Variants in SCN1A observed in about 807,000 individuals in gnomAD.
SCN1A encodes sodium voltage-gated channel alpha subunit 1.
A neutral mutation model predicts 193.7 loss-of-function variants in SCN1A; 13 were observed. The observed-to-expected ratio is 0.07, with a 90% CI of 0.04 to 0.11. The LOEUF (loss-of-function observed/expected upper bound fraction) is 0.11. Ranked by LOEUF, SCN1A falls within the 10% of genes least tolerant of loss-of-function variation. The probability of loss-of-function intolerance (pLI) is 1.00; values close to 1 mark genes in which losing one functional copy is unlikely to be tolerated. For synonymous variants in SCN1A, 781 were observed against 843.6 expected, an observed-to-expected ratio of 0.93 and a Z score of 1.29; for missense variants, 1,432 against 2,451.1, an observed-to-expected ratio of 0.58 and a Z score of 8.78.
intron 18 of SCN1A, 132 bp from the exon 19 acceptor site, chr2:166,036,662 G>A: frequency 1.2e-6 from 1 of 838,416 alleles, no homozygotes; most frequent in South Asian, 1.8e-5. Flanking sequence ...AAACACCACA[G>A]CATAGTGATT....
At chr2:166,047,574 G>T in intron 11 of SCN1A, 53 bp downstream of exon 11, 2 of 1,586,272 alleles carry the variant, frequency 1.3e-6, no homozygotes, top group Non-Finnish European at 1.7e-6. Context: ...TAACTCAATT[G>T]GTTTTCTTGT....
At chr2:166,067,380 C>A (rs1290022248) in intron 4 of SCN1A, among the ~76,000 whole-genome samples, 1 of 152,054 alleles carries the variant, frequency 6.6e-6, no homozygotes, top group Non-Finnish European at 1.5e-5. Flanking sequence ...TACTGCCGGC[C>A]TGGGAGACCA....
intron 4 of SCN1A, among the ~76,000 whole-genome samples, chr2:166,072,789 TTTCCTTCCTTCC>T (rs3032639): frequency 1.4e-4 from 20 of 144,552 alleles, no homozygotes; most frequent in African/African-American, 5.3e-4. Context: ...TGCCTCTTTC[TTTCCTTCCTTCC>T]TTCCTTCCTT....
chr2:166,123,555 T>A (rs1274737183), intron 2 of SCN1A: 1 of 152,150 alleles, frequency 6.6e-6, no homozygotes, highest in Non-Finnish European at 1.5e-5. Context: ...GATCTGTAAC[T>A]GACTGTGAAC....
chr2:166,041,320 T>C lies in SCN1A; in HGVS notation c.2326A>G (p.Ile776Val). The change falls in exon 16 of 29, where the codon ATC (isoleucine) becomes GTC (valine). Residue 776 changes from isoleucine (I) to valine (V), a missense_variant. Around this residue, in one of 18 missense-constraint regions of SCN1A, gnomAD observed 316 missense variants for 362.1 expected, o/e 0.87. Coordinates refer to ENST00000674923, the MANE Select transcript of SCN1A (RefSeq NM_001165963.4). ...AAAAGAGTATTTAAGACAATACAGA[T>C]GGTGATGGCCAGGTCAACAAATGGG... is the stretch of plus-strand genomic sequence containing the variant. ...MDPFVDLAIT[I>V]CIVLNTLFMA... 1 of 1,614,080 alleles carries C rather than the reference T, an allele frequency of 6.2e-7. No individual in the cohort carries two copies. Among genetic ancestry groups the C allele is most frequent in the Non-Finnish European group, 8.5e-7 (1 of 1,179,942 alleles).
At chr2:166,018,485 A>C (rs997707317) in intron 19 of SCN1A, among the ~76,000 whole-genome samples, 2 of 152,038 alleles carry the variant, frequency 1.3e-5, no homozygotes. Context: ...TCAGATATTC[A>C]TCTTATATTT....
In SCN1A at chr2:166,039,596, C is replaced by G. The variant is rs1483617960; in HGVS notation, c.2416G>C (p.Val806Leu). The change falls in exon 17 of 29, where the codon GTT (valine) becomes CTT (leucine). Residue 806 changes from valine (V) to leucine (L), a missense_variant and splice_region_variant. By Grantham distance (32) the Val-to-Leu change is conservative. This residue lies in a region of SCN1A where 93 missense variants were observed against 260.4 expected (regional missense o/e 0.36). Coordinates refer to ENST00000674923, the MANE Select transcript of SCN1A (RefSeq NM_001165963.4). ...TCTGCTGTAAAGATCCCAGTGAAAA[C>G]CTAAGATCAAAACAAAATTAATCTA... ...FNNVLTVGNLVFTGIFTAEMF... is the reference protein window; with the variant it reads ...FNNVLTVGNLLFTGIFTAEMF... 6.2e-7 allele frequency: 1 copy of G among 1,613,146 alleles called. No individual in the cohort carries two copies. Among genetic ancestry groups the G allele is most frequent in the Non-Finnish European group, 8.5e-7 (1 of 1,179,450 alleles).
intron 21 of SCN1A, 24 bp from the exon 22 acceptor site, chr2:166,012,306 A>G: frequency 6.4e-7 from 1 of 1,564,440 alleles, no homozygotes; most frequent in Non-Finnish European, 8.8e-7. Flanking sequence ...GTTACACATT[A>G]TTAGCTTTCA....
upstream of SCN1A, among the ~76,000 whole-genome samples, chr2:166,128,516 T>C (rs1691485198): frequency 6.6e-6 from 1 of 152,188 alleles, no homozygotes; most frequent in Non-Finnish European, 1.5e-5. Context: ...GGTTTCATAT[T>C]ATAGTGAACA....
intron 2 of SCN1A, among the ~76,000 whole-genome samples, chr2:166,114,096 CTCA>C (rs2106209612): frequency 1.3e-5 from 2 of 152,120 alleles, no homozygotes; most frequent in South Asian, 2.1e-4. Flanking sequence ...ATTTAGTATG[CTCA>C]TCAAAGACAG....
intron 2 of SCN1A, among the ~76,000 whole-genome samples, chr2:166,098,657 G>A (rs906964895): frequency 3.3e-5 from 5 of 151,916 alleles, no homozygotes; most frequent in African/African-American, 1.2e-4. Flanking sequence ...ACAACTTCAG[G>A]AAAGTTTCAG....
chr2:166,072,837 C>CTTTT (rs796420549), intron 4 of SCN1A, among the ~76,000 whole-genome samples: 308 of 119,332 alleles, frequency 2.6e-3, no homozygotes, highest in Non-Finnish European at 3.5e-3. Context: ...TCTCTTCTTT[C>CTTTT]TTTTTTTTTT....
intron 4 of SCN1A, among the ~76,000 whole-genome samples, chr2:166,062,820 T>C (rs1559263167): frequency 1.3e-5 from 2 of 151,836 alleles, no homozygotes; most frequent in Admixed American, 1.3e-4. Flanking sequence ...GGTTAGCTTA[T>C]TATAGTGAAG....
chr2:166,113,374 G>T (rs1219167599), intron 2 of SCN1A, among the ~76,000 whole-genome samples: 1 of 151,950 alleles, frequency 6.6e-6, no homozygotes, highest in Non-Finnish European at 1.5e-5. Context: ...AATACATATT[G>T]TTAAATGAAT....
chr2:166,114,632 A>G (rs987302021), intron 2 of SCN1A, among the ~76,000 whole-genome samples: 1 of 152,166 alleles, frequency 6.6e-6, no homozygotes, highest in African/African-American at 2.4e-5. Context: ...AATTCTTGGT[A>G]TTTTTAATGT....
Position 166,118,298 on chromosome 2 carries a change from G to GCTTCTTTTTTTTTTTTTTTTTTTTTTTT in SCN1A, c.-142+8625_-142+8626insAAAAAAAAAAAAAAAAAAAAAAAAGAAG, listed in dbSNP as rs371947861. Reference sequence around the variant, plus strand: ...TTCTTTGCTTACTGATTTCTATTTAGTTTCTTTTTTTTTTTTTTTTTTTTT... The same window carrying GCTTCTTTTTTTTTTTTTTTTTTTTTTTT: ...TTCTTTGCTTACTGATTTCTATTTAGCTTCTTTTTTTTTTTTTTTTTTTTTTTTTTTCTTTTTTTTTTTTTTTTTTTTT... On this transcript the variant is annotated intron_variant, in intron 2 of 28. Coordinates refer to ENST00000674923, the MANE Select transcript of SCN1A (RefSeq NM_001165963.4). 1.2e-3 allele frequency among the ~76,000 whole-genome samples: 54 copies of GCTTCTTTTTTTTTTTTTTTTTTTTTTTT among 44,732 alleles called. 24 individuals are homozygous for GCTTCTTTTTTTTTTTTTTTTTTTTTTTT. The highest frequency in any genetic ancestry group is 1.8e-3 in the African/African-American group (25 of 13,764). The allele number at this position is 44,732 out of a possible 152,430, so 29.3% of individuals were successfully genotyped here. A position where few individuals can be genotyped will look rare whatever the true frequency, so the allele number is the denominator to read the frequency against.
chr2:166,114,411 C>G (rs1446431990), intron 2 of SCN1A, among the ~76,000 whole-genome samples: 3 of 151,980 alleles, frequency 2.0e-5, no homozygotes, highest in African/African-American at 7.3e-5. Flanking sequence ...CCAGTGAGGA[C>G]CAGAAGGGAG....
At chr2:166,109,982 A>G (rs547513330) in intron 2 of SCN1A, among the ~76,000 whole-genome samples, 3 of 152,290 alleles carry the variant, frequency 2.0e-5, no homozygotes, top group African/African-American at 7.2e-5. Flanking sequence ...CACAGTCAAC[A>G]ATAATTTATT....
At position 166,041,437 on chromosome 2, in the gene SCN1A, A is replaced by G; in HGVS notation, c.2209T>C (p.Cys737Arg). The change falls in exon 16 of 29, where the codon TGT (cysteine) becomes CGT (arginine). Residue 737 changes from cysteine to arginine, a missense_variant. Coordinates refer to ENST00000674923, the MANE Select transcript of SCN1A (RefSeq NM_001165963.4). ...LEESRQKCPP[C>R]WYKFSNIFLI... ...AATATGTTGGAAAATTTATACCAAC[A>G]GGGTGGGCATTTCTGCCTGGATTCT... is the stretch of plus-strand genomic sequence containing the variant. 6.2e-7 allele frequency: 1 copy of G among 1,609,120 alleles called. No individual in the cohort carries two copies. Among genetic ancestry groups the G allele is most frequent in the Admixed American group, 1.7e-5 (1 of 59,806 alleles).
Sources: allele counts gnomAD v4.1 joint callset (sites outside exome capture counted in the v4.1 genomes callset), GRCh38; gene constraint gnomAD v4.1.1; regional missense constraint gnomAD v4.1.1; transcripts MANE v1.5; gene names NCBI Gene and HGNC (gene_info 2026-07-23, HGNC 2026-07-21).